HS3ST5: variants seen among roughly 807,000 people sequenced by gnomAD.
HS3ST5 encodes the protein heparan sulfate glucosamine 3-O-sulfotransferase 5.
HS3ST5 carries 10 observed loss-of-function variants against 25.4 expected under a neutral mutation model. The ratio of observed to expected loss-of-function variants is 0.39; its 90% CI spans 0.24 to 0.67. The LOEUF (loss-of-function observed/expected upper bound fraction) is 0.67. Ranked by LOEUF, HS3ST5 falls within the 30% of genes least tolerant of loss-of-function variation. The pLI, the probability that HS3ST5 is intolerant of heterozygous loss-of-function variation, is 0.44. For missense variants in HS3ST5, 324 were observed against 420.7 expected, an observed-to-expected ratio of 0.77 and a Z score of 2.01; for synonymous variants, 170 against 162.4, an observed-to-expected ratio of 1.05 and a Z score of -0.36.
At chr6:114,102,838 ACC>A (rs1428373013) in intron 3 of HS3ST5, among the ~76,000 whole-genome samples, 2 of 152,120 alleles carry the variant, frequency 1.3e-5, no homozygotes, top group Non-Finnish European at 2.9e-5. Context: ...TGCCAATATC[ACC>A]CCTTCCTTTG....
chr6:114,108,762 T>C (rs1776115254), intron 3 of HS3ST5, among the ~76,000 whole-genome samples: 1 of 152,352 alleles, frequency 6.6e-6, no homozygotes, highest in East Asian at 1.9e-4. Flanking sequence ...ATATGTTCAT[T>C]ATCTTGACTG....
At chr6:114,118,714 C>T (rs978323298) in intron 3 of HS3ST5, among the ~76,000 whole-genome samples, 1 of 152,192 alleles carries the variant, frequency 6.6e-6, no homozygotes, top group Non-Finnish European at 1.5e-5. Context: ...TACAGTTCTT[C>T]TTTCTGACAG....
At chr6:114,249,486 G>C (rs1323868871) in intron 1 of HS3ST5, among the ~76,000 whole-genome samples, 2 of 152,166 alleles carry the variant, frequency 1.3e-5, no homozygotes, top group East Asian at 1.9e-4. Flanking sequence ...TATGAAGATG[G>C]GGACCCTGCA....
intron 2 of HS3ST5, among the ~76,000 whole-genome samples, chr6:114,208,776 T>C (rs987791835): frequency 6.6e-6 from 1 of 152,204 alleles, no homozygotes; most frequent in African/African-American, 2.4e-5. Context: ...TCTCTCAATT[T>C]TGAGAAGGCG....
chr6:114,322,634 C>A (rs1328872408), intron 1 of HS3ST5, among the ~76,000 whole-genome samples: 1 of 152,064 alleles, frequency 6.6e-6, no homozygotes, highest in African/African-American at 2.4e-5. Flanking sequence ...GGACAAGAAT[C>A]CTGGAGGTCA....
intron 1 of HS3ST5, among the ~76,000 whole-genome samples, chr6:114,247,249 G>A (rs1772423467): frequency 2.0e-5 from 3 of 152,178 alleles, no homozygotes; most frequent in Admixed American, 2.0e-4. Context: ...AAGGAATCAT[G>A]AGGGAGGTGC....
At chr6:114,093,353 T>G (rs202124036) in intron 3 of HS3ST5, among the ~76,000 whole-genome samples, 41 of 134,328 alleles carry the variant, frequency 3.1e-4, no homozygotes, top group African/African-American at 9.0e-4. Flanking sequence ...GTTTGTTTGT[T>G]TGTGTGTGTG....
In HS3ST5 at chr6:114,057,678, T is replaced by A; in HGVS notation, c.620A>T (p.Tyr207Phe). 6.2e-7 allele frequency: 1 copy of A among 1,614,202 alleles called. No homozygotes were observed. Among genetic ancestry groups the A allele is most frequent in the Admixed American group, 1.7e-5 (1 of 60,024 alleles). ...TATGGCCAGCTTCTCAAACTTGTAATAAGTTTTGTTCTTCCTCTCCTTCCC... is the reference window on the plus strand; with the variant it reads ...TATGGCCAGCTTCTCAAACTTGTAAAAAGTTTTGTTCTTCCTCTCCTTCCC... ...LEGKERKNKT[Y>F]YKFEKLAIDP... Residue 207 changes from tyrosine to phenylalanine, a missense_variant, in exon 5 of 5, where the codon TAT (tyrosine) becomes TTT (phenylalanine). By Grantham distance (22) the Tyr-to-Phe change is conservative. Coordinates refer to ENST00000312719, the MANE Select transcript of HS3ST5 (RefSeq NM_153612.4).
chr6:114,236,882 AAGAT>A (rs1269011053), intron 1 of HS3ST5, among the ~76,000 whole-genome samples: 1 of 152,212 alleles, frequency 6.6e-6, no homozygotes, highest in Non-Finnish European at 1.5e-5. Flanking sequence ...ACATACAGAA[AAGAT>A]AGATGTCAAA....
At chr6:114,164,549 A>C (rs1779119131) in intron 3 of HS3ST5, among the ~76,000 whole-genome samples, 1 of 152,188 alleles carries the variant, frequency 6.6e-6, no homozygotes, top group South Asian at 2.1e-4. Flanking sequence ...TCCTCTAGGC[A>C]GGCTTTGACA....
intron 1 of HS3ST5, among the ~76,000 whole-genome samples, chr6:114,325,834 T>A (rs1227702774): frequency 2.0e-5 from 3 of 152,186 alleles, no homozygotes; most frequent in African/African-American, 7.2e-5. Context: ...ACCTCTTTTC[T>A]GTTCCACTGC....
chr6:114,248,313 A>G (rs1772481287), intron 1 of HS3ST5, among the ~76,000 whole-genome samples: 1 of 150,942 alleles, frequency 6.6e-6, no homozygotes, highest in East Asian at 1.9e-4. Flanking sequence ...ATCTATAGTA[A>G]TTAGTTGGAA....
At chr6:114,312,751 C>G (rs755121050) in intron 1 of HS3ST5, among the ~76,000 whole-genome samples, 2 of 151,816 alleles carry the variant, frequency 1.3e-5, no homozygotes, top group South Asian at 4.2e-4. Context: ...TATACTCAGC[C>G]GGCCGTGGTG....
rs1582546077 is a variant in HS3ST5, at chr6:114,057,001, C to T, written c.*256G>A. 2 of 367,810 alleles carry T rather than the reference C, an allele frequency of 5.4e-6. No individual in the cohort carries two copies. Among genetic ancestry groups the T allele is most frequent in the East Asian group, 8.3e-5 (2 of 24,228 alleles). 22.8% of individuals were successfully genotyped at this position (367,810 alleles called of 1,614,324 possible). On this transcript the variant is annotated 3_prime_UTR_variant, in exon 5 of 5. Transcript: ENST00000312719. ...AACTCTTTGAGAATAGCTGAAGTCA[C>T]TTTCCCCCAATACCACCACCTCTTC...
chr6:114,290,976 G>A (rs1774550725), intron 1 of HS3ST5, among the ~76,000 whole-genome samples: 1 of 152,014 alleles, frequency 6.6e-6, no homozygotes, highest in African/African-American at 2.4e-5. Flanking sequence ...CTGGGGCTGG[G>A]AACCTAACAG....
At chr6:114,239,386 A>C (rs1772000301) in intron 1 of HS3ST5, among the ~76,000 whole-genome samples, 1 of 152,166 alleles carries the variant, frequency 6.6e-6, no homozygotes, top group Admixed American at 6.5e-5. Context: ...GGAGAGATAC[A>C]TTTTAACAAT....
At chr6:114,289,623 T>C (rs1774485215) in intron 1 of HS3ST5, among the ~76,000 whole-genome samples, 2 of 152,090 alleles carry the variant, frequency 1.3e-5, no homozygotes, top group South Asian at 4.1e-4. Context: ...CAATCATAAC[T>C]TGTGTTTTAG....
At chr6:114,150,858 T>A (rs1005609594) in intron 3 of HS3ST5, among the ~76,000 whole-genome samples, 1 of 152,212 alleles carries the variant, frequency 6.6e-6, no homozygotes, top group Non-Finnish European at 1.5e-5. Context: ...GTGAATTACA[T>A]TGGAAAACGT....
intron 1 of HS3ST5, among the ~76,000 whole-genome samples, chr6:114,250,146 A>T (rs1180325144): frequency 1.3e-5 from 2 of 152,172 alleles, no homozygotes; most frequent in Non-Finnish European, 2.9e-5. Flanking sequence ...ATTTTTTATA[A>T]ACCAATTATC....
Sources: gnomAD v4.1 joint callset for allele counts (sites outside exome capture counted in the v4.1 genomes callset) on GRCh38, gnomAD v4.1.1 for gene constraint, MANE v1.5 for transcripts, NCBI Gene and HGNC (gene_info 2026-07-23, HGNC 2026-07-21) for gene names.